Variants in KIAA1671 observed in about 807,000 individuals in gnomAD.
The protein encoded by KIAA1671 is uncharacterized protein KIAA1671.
Under a neutral mutation model 131.2 loss-of-function variants are expected in KIAA1671, and 52 were observed. That is an observed-to-expected ratio of 0.40 (90% CI 0.32 to 0.50). KIAA1671 has a LOEUF of 0.50. Ranked by LOEUF, KIAA1671 falls within the 20% of genes least tolerant of loss-of-function variation. The pLI, the probability that KIAA1671 is intolerant of heterozygous loss-of-function variation, is 0.73. For synonymous variants in KIAA1671, 1,003 were observed against 961.6 expected, an observed-to-expected ratio of 1.04 and a Z score of -0.80; for missense variants, 2,360 against 2,364.2, an observed-to-expected ratio of 1.00 and a Z score of 0.04.
Position 25,000,482 on chromosome 22 carries a change from C to T in KIAA1671, c.-207-25151C>T, listed in dbSNP as rs185402268. On this transcript the variant is annotated intron_variant, in intron 1 of 12. Coordinates refer to ENST00000358431, the MANE Select transcript of KIAA1671 (RefSeq NM_001145206.2). ...TGCTGGGATTACAGGCGTGAGCCAC[C>T]GCGCCCGGCCTTTTTTTTTTTTTTT... 3.9e-3 allele frequency among the ~76,000 whole-genome samples: 251 copies of T among 64,140 alleles called. 51 individuals are homozygous for T. The highest frequency in any genetic ancestry group is 0.013 in the African/African-American group (240 of 19,006). The allele number at this position is 64,140 out of a possible 152,430, so 42.1% of individuals were successfully genotyped here.
chr22:25,093,591 T>C (rs1257354266), intron 6 of KIAA1671, among the ~76,000 whole-genome samples: 1 of 151,884 alleles, frequency 6.6e-6, no homozygotes, highest in Non-Finnish European at 1.5e-5. Flanking sequence ...TGAGAACACT[T>C]GGTGGGGAGC....
intron 6 of KIAA1671, among the ~76,000 whole-genome samples, chr22:25,117,488 C>T (rs1291714890): frequency 6.6e-6 from 1 of 152,018 alleles, no homozygotes; most frequent in East Asian, 1.9e-4. Flanking sequence ...GCGTTCAGTC[C>T]TCCAGCCCAA....
intron 6 of KIAA1671, among the ~76,000 whole-genome samples, chr22:25,067,640 C>G (rs1290551177): frequency 6.6e-6 from 1 of 152,116 alleles, no homozygotes; most frequent in East Asian, 1.9e-4. Context: ...GGCCTGCCAT[C>G]CTCTCTTCCT....
intron 6 of KIAA1671, among the ~76,000 whole-genome samples, chr22:25,071,155 T>C (rs1373913952): frequency 2.0e-5 from 3 of 152,334 alleles, no homozygotes; most frequent in Non-Finnish European, 4.4e-5. Flanking sequence ...CCATCAGGGC[T>C]CTGGGAATAG....
At position 25,029,355 on chromosome 22, in the gene KIAA1671, G is replaced by A; in HGVS notation, c.1356G>A (p.Leu452=). 1.3e-6 allele frequency: 2 copies of A among 1,550,940 alleles called. No individual in the cohort carries two copies. Among genetic ancestry groups the A allele is most frequent in the Non-Finnish European group, 1.7e-6 (2 of 1,146,630 alleles). ...SLFREDSTLA[L]AVGSESPLAT... ...TTCGGGAGGACAGCACCTTGGCCTT[G>A]GCAGTGGGGTCTGAATCTCCCCTGG... Residue 452 remains leucine (L), a synonymous_variant, in exon 3 of 13, where the codon TTG becomes TTA. Transcript: ENST00000358431.
At chr22:25,030,231 C>T (rs1344522159) in intron 3 of KIAA1671, among the ~76,000 whole-genome samples, 2 of 152,128 alleles carry the variant, frequency 1.3e-5, no homozygotes, top group African/African-American at 4.8e-5. Flanking sequence ...TGTTCTAAGT[C>T]AGTTGGTTAA....
intron 6 of KIAA1671, among the ~76,000 whole-genome samples, chr22:25,134,938 G>T (rs1223152419): frequency 6.6e-6 from 1 of 152,188 alleles, no homozygotes; most frequent in Non-Finnish European, 1.5e-5. Flanking sequence ...TCACGTAGCA[G>T]ACACTCTATA....
chr22:25,169,432 A>AAAG (rs1159535799), intron 6 of KIAA1671, among the ~76,000 whole-genome samples: 1 of 151,470 alleles, frequency 6.6e-6, no homozygotes, highest in Non-Finnish European at 1.5e-5. Context: ...AAAAAAAAAA[A>AAAG]AAAAAAAGGT....
chr22:25,095,530 A>C (rs1048795282), intron 6 of KIAA1671, among the ~76,000 whole-genome samples: 1 of 152,152 alleles, frequency 6.6e-6, no homozygotes, highest in African/African-American at 2.4e-5. Context: ...GGGCACCTGT[A>C]GTGCCAGCTA....
In KIAA1671 at chr22:25,032,617, G is replaced by A; in HGVS notation, c.1550G>A (p.Ser517Asn). 1 of 1,544,650 alleles carries A rather than the reference G, an allele frequency of 6.5e-7. No homozygotes were observed. The highest frequency in any genetic ancestry group is 8.8e-7 in the Non-Finnish European group (1 of 1,141,252). The stretch of plus-strand genomic sequence containing the variant: ...TCAGATCTCTGTACCAGGTTTTCAA[G>A]TTCAGCTTCCAGCAACGAAGTCAAA... Reference protein sequence around the residue: ...LSADLTKLFSSSASSNEVKYE... With the variant: ...LSADLTKLFSNSASSNEVKYE... The change falls in exon 4 of 13, where the codon AGT becomes AAT. Residue 517 changes from serine to asparagine, a missense_variant. Around this residue, in one of 3 missense-constraint regions of KIAA1671, gnomAD observed 1,185 missense variants for 1,126.2 expected, o/e 1.05. Transcript: ENST00000358431.
At chr22:25,091,026 G>T (rs1930000491) in intron 6 of KIAA1671, among the ~76,000 whole-genome samples, 1 of 152,122 alleles carries the variant, frequency 6.6e-6, no homozygotes, top group South Asian at 2.1e-4. Context: ...CTTCTTAAAT[G>T]ACTGCGTGAA....
chr22:25,142,613 T>G (rs1304936010), intron 6 of KIAA1671, among the ~76,000 whole-genome samples: 1 of 152,210 alleles, frequency 6.6e-6, no homozygotes, highest in Non-Finnish European at 1.5e-5. Flanking sequence ...GGCTCACGCC[T>G]GGAAACCCAG....
chr22:25,022,308 A>G (rs2123893026), intron 1 of KIAA1671, among the ~76,000 whole-genome samples: 1 of 152,286 alleles, frequency 6.6e-6, no homozygotes, highest in East Asian at 1.9e-4. Context: ...GAATGAATCA[A>G]CACCTCTGAA....
chr22:25,148,095 A>G (rs1932922636), intron 6 of KIAA1671, among the ~76,000 whole-genome samples: 1 of 150,030 alleles, frequency 6.7e-6, no homozygotes, highest in Non-Finnish European at 1.5e-5. Flanking sequence ...TTCATTAAAC[A>G]CATTGTGCCA....
chr22:24,995,345 C>T (rs548331857), intron 1 of KIAA1671, among the ~76,000 whole-genome samples: 1 of 147,800 alleles, frequency 6.8e-6, no homozygotes, highest in South Asian at 2.2e-4. Context: ...AGCCACTGCG[C>T]CCGGCCAAGG....
intron 5 of KIAA1671, among the ~76,000 whole-genome samples, chr22:25,046,640 T>C (rs1927248430): frequency 6.6e-6 from 1 of 152,182 alleles, no homozygotes; most frequent in Admixed American, 6.5e-5. Flanking sequence ...TCACTTTTAT[T>C]CCTTTTTTTT....
At chr22:25,043,528 C>G (rs1927059358) in intron 5 of KIAA1671, among the ~76,000 whole-genome samples, 2 of 152,190 alleles carry the variant, frequency 1.3e-5, no homozygotes, top group South Asian at 4.1e-4. Context: ...TGAAGAACCA[C>G]GAAGGTGGGG....
intron 6 of KIAA1671, among the ~76,000 whole-genome samples, chr22:25,080,680 C>T (rs1490968267): frequency 6.6e-6 from 1 of 152,200 alleles, no homozygotes; most frequent in Admixed American, 6.5e-5. Flanking sequence ...TCCCAAAGCA[C>T]TGGGATTACA....
chr22:25,034,111 T>C (rs1355718338), intron 4 of KIAA1671, among the ~76,000 whole-genome samples: 1 of 150,808 alleles, frequency 6.6e-6, no homozygotes, highest in Non-Finnish European at 1.5e-5. Context: ...AGTGGTGCGA[T>C]CTTGGCTCAC....
Sources: gnomAD v4.1 joint callset for allele counts (sites outside exome capture counted in the v4.1 genomes callset) on GRCh38, gnomAD v4.1.1 for gene constraint, gnomAD v4.1.1 regional missense constraint, MANE v1.5 for transcripts, NCBI Gene and HGNC (gene_info 2026-07-23, HGNC 2026-07-21) for gene names.